Variants in SLC7A2 observed in about 807,000 individuals in gnomAD.
The protein encoded by SLC7A2 is solute carrier family 7 member 2.
A neutral mutation model predicts 58.9 loss-of-function variants in SLC7A2; 48 were observed. The ratio of observed to expected loss-of-function variants is 0.82; its 90% CI spans 0.65 to 1.04. The LOEUF is 1.04. Ranked by LOEUF, SLC7A2 falls within the 50% of genes least tolerant of loss-of-function variation. The probability of loss-of-function intolerance (pLI) is 0.00; values close to 1 mark genes in which losing one functional copy is unlikely to be tolerated. For missense variants in SLC7A2, 1,029 were observed against 818.8 expected (o/e 1.26, Z -3.13); for synonymous variants, 363 against 314.5 (o/e 1.15, Z -1.63).
intron 2 of SLC7A2, among the ~76,000 whole-genome samples, chr8:17,542,886 C>T (rs1801975203): frequency 6.6e-6 from 1 of 152,088 alleles, no homozygotes; most frequent in Non-Finnish European, 1.5e-5. Flanking sequence ...TGTTTGAGCC[C>T]AGGAGGTTGA....
At chr8:17,500,979 A>G (rs1223034901) in intron 1 of SLC7A2, among the ~76,000 whole-genome samples, 2 of 151,152 alleles carry the variant, frequency 1.3e-5, no homozygotes, top group South Asian at 2.1e-4. Flanking sequence ...GGAAGCAAGC[A>G]GTATGCTGTT....
intron 2 of SLC7A2, among the ~76,000 whole-genome samples, chr8:17,515,016 G>A (rs530689978): frequency 2.0e-5 from 3 of 152,316 alleles, no homozygotes; most frequent in South Asian, 2.1e-4. Context: ...GGTAAAGGCA[G>A]TGCCTACTAT....
chr8:17,563,323 C>G (rs148733818), intron 11 of SLC7A2, among the ~76,000 whole-genome samples: 2 of 152,166 alleles, frequency 1.3e-5, no homozygotes, highest in African/African-American at 2.4e-5. Flanking sequence ...CTTTGTGTGT[C>G]TAAATGAAAT....
rs1202611192 is a variant in SLC7A2, at chr8:17,568,991, T to C, written c.*3845T>C. ...AAAATAAAAATAAAAATAAAACACT[T>C]TAATTAGAATCTATTTTTACCTATT... On this transcript the variant is annotated 3_prime_UTR_variant, in exon 13 of 13. Transcript: ENST00000494857. 1 of 152,036 alleles carries C rather than the reference T, an allele frequency of 6.6e-6. No individual in the cohort carries two copies. Among genetic ancestry groups the C allele is most frequent in the Non-Finnish European group, 1.5e-5 (1 of 67,972 alleles). The allele number at this position is 152,036 out of a possible 1,614,324, so 9.4% of individuals were successfully genotyped here.
chr8:17,545,466 A>G (rs978709715), intron 4 of SLC7A2, among the ~76,000 whole-genome samples: 2 of 132,832 alleles, frequency 1.5e-5, no homozygotes, highest in Non-Finnish European at 1.5e-5. Flanking sequence ...GCTGGAGTAC[A>G]GTGGTACTGC....
intron 3 of SLC7A2, 81 bp downstream of exon 3, chr8:17,543,796 G>C (rs567053081): frequency 2.3e-6 from 3 of 1,289,956 alleles, no homozygotes; most frequent in African/African-American, 1.5e-5. Flanking sequence ...TTCAGTTGTA[G>C]GTGTTGGGTA....
At position 17,560,548 on chromosome 8, in the gene SLC7A2, C is replaced by G. The variant is rs752155392; in HGVS notation, c.1504+15C>G. The G allele has an allele frequency of 5.0e-6, 8 of 1,599,028 alleles. No individual in the cohort carries two copies. In the East Asian group the frequency reaches 1.6e-4, roughly 31 times the overall value. Reference sequence around the variant, plus strand: ...AGGATTCCTAGGTAAGTCTTCTTCTCTGCTTACATTGTACAGACCCAGAAG... The same window carrying G: ...AGGATTCCTAGGTAAGTCTTCTTCTGTGCTTACATTGTACAGACCCAGAAG... On this transcript the variant is annotated intron_variant, in intron 10 of 12. Transcript: ENST00000494857.
intron 2 of SLC7A2, among the ~76,000 whole-genome samples, chr8:17,524,363 C>T (rs933456673): frequency 2.0e-5 from 3 of 151,754 alleles, no homozygotes; most frequent in Non-Finnish European, 4.4e-5. Flanking sequence ...TCAAAAATCC[C>T]ATCAATCAAC....
Position 17,544,553 on chromosome 8 carries a change from G to A in SLC7A2, c.479G>A (p.Gly160Asp). 6.2e-7 allele frequency: 1 copy of A among 1,613,996 alleles called. No individual in the cohort carries two copies. Among genetic ancestry groups the A allele is most frequent in the Non-Finnish European group, 8.5e-7 (1 of 1,179,952 alleles). ...LRTYFRMNYT[G>D]LAEYPDFFAV... ...ACATACTTCAGAATGAATTACACTG[G>A]TCTTGCAGAATATCCCGATTTTTTT... Residue 160 changes from glycine to aspartate, a missense_variant, in exon 4 of 13, where the codon GGT becomes GAT. Coordinates refer to ENST00000494857, the MANE Select transcript of SLC7A2 (RefSeq NM_001370338.1).
At chr8:17,553,571 G>C (rs1802550067) in intron 7 of SLC7A2, among the ~76,000 whole-genome samples, 1 of 152,122 alleles carries the variant, frequency 6.6e-6, no homozygotes, top group Non-Finnish European at 1.5e-5. Context: ...AAGAGTTCAA[G>C]ACCAGCCTGG....
chr8:17,495,456 A>C (rs1031002223), upstream of SLC7A2, among the ~76,000 whole-genome samples: 1 of 152,226 alleles, frequency 6.6e-6, no homozygotes, highest in Non-Finnish European at 1.5e-5. Context: ...TGTAAAAATA[A>C]GTTTACTTTG....
rs145543714 is a variant in SLC7A2, at chr8:17,520,376, C to T, written c.-23+18074C>T. 6.0e-3 allele frequency among the ~76,000 whole-genome samples: 920 copies of T among 152,142 alleles called. 25 individuals are homozygous for T. In the South Asian group the frequency reaches 0.083, roughly 14 times the overall value. The stretch of plus-strand genomic sequence containing the variant: ...AATATCATGGCTGGGTGCAGTGGCT[C>T]ATGCCTGTAATCTCAGCACTTTGGG... On this transcript the variant is annotated intron_variant, in intron 2 of 12. Transcript: ENST00000494857.
chr8:17,548,371 A>T (rs533810018), intron 4 of SLC7A2, among the ~76,000 whole-genome samples: 1 of 152,214 alleles, frequency 6.6e-6, no homozygotes, highest in Non-Finnish European at 1.5e-5. Context: ...GCAACCATTT[A>T]CCTTGAAATT....
At chr8:17,545,164 A>C (rs754035105) in intron 4 of SLC7A2, among the ~76,000 whole-genome samples, 16 of 152,138 alleles carry the variant, frequency 1.1e-4, no homozygotes, top group Non-Finnish European at 2.1e-4. Flanking sequence ...TTTAGGAGGC[A>C]CAGGAATTCT....
At chr8:17,520,742 G>A (rs1800983756) in intron 2 of SLC7A2, 16 of 937,580 alleles carry the variant, frequency 1.7e-5, no homozygotes, top group Non-Finnish European at 2.0e-5. Flanking sequence ...AGATGAGAAG[G>A]ACCTTGAGAG....
intron 7 of SLC7A2, among the ~76,000 whole-genome samples, chr8:17,553,773 G>A (rs910680320): frequency 1.3e-5 from 2 of 152,156 alleles, no homozygotes; most frequent in African/African-American, 2.4e-5. Flanking sequence ...GTGAGTCCCT[G>A]TCGCAAATAA....
chr8:17,525,405 G>A (rs954547238), intron 2 of SLC7A2, among the ~76,000 whole-genome samples: 2 of 152,112 alleles, frequency 1.3e-5, no homozygotes, highest in African/African-American at 4.8e-5. Flanking sequence ...AAACAAGAAA[G>A]TGGCCAAAAA....
At chr8:17,526,782 T>G (rs188224255) in intron 2 of SLC7A2, among the ~76,000 whole-genome samples, 491 of 152,306 alleles carry the variant, frequency 3.2e-3, no homozygotes, top group African/African-American at 0.011. Context: ...GAAAGCATCA[T>G]GAGTTCACTA....
chr8:17,510,838 C>A (rs1413227757), intron 2 of SLC7A2: 2 of 152,156 alleles, frequency 1.3e-5, no homozygotes, highest in East Asian at 3.8e-4. Context: ...ATAGCAAAGA[C>A]ATGGAACCAA....
Sources: allele counts gnomAD v4.1 joint callset (sites outside exome capture counted in the v4.1 genomes callset), GRCh38; gene constraint gnomAD v4.1.1; transcripts MANE v1.5; gene names NCBI Gene and HGNC (gene_info 2026-07-23, HGNC 2026-07-21).